Variants in L3MBTL3 observed in about 807,000 individuals in gnomAD.
L3MBTL3 encodes L3MBTL histone methyl-lysine binding protein 3.
A neutral mutation model predicts 102.3 loss-of-function variants in L3MBTL3; 27 were observed. The ratio of observed to expected loss-of-function variants is 0.26; its 90% CI spans 0.19 to 0.36. The LOEUF (loss-of-function observed/expected upper bound fraction) is 0.36, where lower values mean the gene tolerates loss of function less well. Ranked by LOEUF, L3MBTL3 falls within the 10% of genes least tolerant of loss-of-function variation. The pLI, the probability that L3MBTL3 is intolerant of heterozygous loss-of-function variation, is 1.00. For synonymous variants in L3MBTL3, 340 were observed against 320.9 expected (o/e 1.06, Z -0.64); for missense variants, 798 against 955.3 (o/e 0.84, Z 2.17).
chr6:130,033,840 A>G (rs182437483), intron 2 of L3MBTL3, among the ~76,000 whole-genome samples: 340 of 152,384 alleles, frequency 2.2e-3, no homozygotes, highest in Non-Finnish European at 4.2e-3. Context: ...ACTGGTCTTG[A>G]TGAATGTTAA....
intron 3 of L3MBTL3, among the ~76,000 whole-genome samples, chr6:130,043,088 C>CT (rs1427916897): frequency 5.3e-5 from 8 of 152,168 alleles, no homozygotes; most frequent in Non-Finnish European, 1.0e-4. Flanking sequence ...AGTTTTGACT[C>CT]TTACCGTGAC....
intron 13 of L3MBTL3, among the ~76,000 whole-genome samples, chr6:130,072,283 T>G (rs556698906): frequency 1.0e-3 from 155 of 152,268 alleles, no homozygotes; most frequent in Admixed American, 1.8e-3. Flanking sequence ...GTATTATCAG[T>G]AATCTAGAAA....
chr6:130,109,819 C>G (rs551882393), intron 19 of L3MBTL3, among the ~76,000 whole-genome samples: 79 of 152,130 alleles, frequency 5.2e-4, no homozygotes, highest in African/African-American at 1.7e-3. Context: ...ATGTTTTCTT[C>G]TAGGGTTTTG....
intron 19 of L3MBTL3, among the ~76,000 whole-genome samples, chr6:130,116,749 T>C (rs1785711633): frequency 6.6e-6 from 1 of 151,572 alleles, no homozygotes; most frequent in Non-Finnish European, 1.5e-5. Context: ...GAGATCTATC[T>C]CTTAAAAAAA....
At chr6:130,046,722 A>G (rs1780745005) in intron 3 of L3MBTL3, among the ~76,000 whole-genome samples, 1 of 152,210 alleles carries the variant, frequency 6.6e-6, no homozygotes, top group Non-Finnish European at 1.5e-5. Context: ...AGTTTTTTAC[A>G]TATTTTAGCT....
At chr6:130,026,826 T>G (rs1315768439) in intron 2 of L3MBTL3, among the ~76,000 whole-genome samples, 1 of 152,036 alleles carries the variant, frequency 6.6e-6, no homozygotes. Flanking sequence ...CATCAATCAA[T>G]GAAAGAATGG....
Position 130,035,980 on chromosome 6 carries a change from T to TTGTG in L3MBTL3, c.-15-6672_-15-6669dup, listed in dbSNP as rs71709041. 5.1e-4 allele frequency among the ~76,000 whole-genome samples: 76 copies of TTGTG among 149,320 alleles called. No homozygotes were observed. The East Asian group carries it at 7.1e-3, about 14-fold the overall frequency. ...ATTGTGACTCTCTTACCTACCTGTT[T>TTGTG]TGTGTGTGTGTGTGTGTGTGTGTGT... On this transcript the variant is annotated intron_variant, in intron 2 of 22. Coordinates refer to ENST00000361794, the MANE Select transcript of L3MBTL3 (RefSeq NM_032438.4).
intron 2 of L3MBTL3, among the ~76,000 whole-genome samples, chr6:130,023,924 A>G (rs1779171280): frequency 6.6e-6 from 1 of 152,164 alleles, no homozygotes. Flanking sequence ...TCTTTGAGGG[A>G]AGAGACCATG....
At chr6:130,059,995 T>G in intron 9 of L3MBTL3, 41 bp from the exon 10 acceptor site, 1 of 1,097,526 alleles carries the variant, frequency 9.1e-7, no homozygotes, top group Non-Finnish European at 1.4e-6. Context: ...AAATAGGGCT[T>G]TGGGATAAGG....
rs535977933 is a variant in L3MBTL3, at chr6:130,069,055, C to T, written c.1092+634C>T. Among the ~76,000 whole-genome samples, 36 of 152,252 alleles carry T rather than the reference C, an allele frequency of 2.4e-4. 1 individual carries two copies. The highest frequency in any genetic ancestry group is 7.5e-4 in the African/African-American group (31 of 41,552). ...AGATGGTCAGAGCTGAGTTGGAGGA[C>T]GTGCATGGCTTGTATCTGCAGACAA... On this transcript the variant is annotated intron_variant, in intron 12 of 22. Transcript: ENST00000361794.
chr6:130,094,605 A>C (rs577443387), intron 18 of L3MBTL3, among the ~76,000 whole-genome samples: 1 of 152,296 alleles, frequency 6.6e-6, no homozygotes, highest in East Asian at 1.9e-4. Context: ...TTTTCTTGGC[A>C]ACCTGACTAG....
intron 18 of L3MBTL3, among the ~76,000 whole-genome samples, chr6:130,098,016 A>T (rs1224945336): frequency 6.6e-6 from 1 of 152,084 alleles, no homozygotes; most frequent in Non-Finnish European, 1.5e-5. Flanking sequence ...GCAGTGAGCC[A>T]AGATTGCGCC....
At chr6:130,105,207 G>A (rs1391777615) in intron 19 of L3MBTL3, among the ~76,000 whole-genome samples, 1 of 152,034 alleles carries the variant, frequency 6.6e-6, no homozygotes, top group African/African-American at 2.4e-5. Context: ...TAATACTTAG[G>A]TTTTGGCTTT....
rs1447350110 is a variant in L3MBTL3 at position 130,140,992 on chromosome 6, G to C, written c.*1239G>C. 1 of 152,616 alleles carries C rather than the reference G, an allele frequency of 6.6e-6. No homozygotes were observed. The highest frequency in any genetic ancestry group is 1.5e-5 in the Non-Finnish European group (1 of 68,032). The allele number at this position is 152,616 out of a possible 1,614,324, so 9.5% of individuals were successfully genotyped here. Reference sequence around the variant, plus strand: ...AGATGCACTTTAAATGAAAACCCTTGATTATAAATTGATAGCTGGTAGTGT... The same window carrying C: ...AGATGCACTTTAAATGAAAACCCTTCATTATAAATTGATAGCTGGTAGTGT... On this transcript the variant is annotated 3_prime_UTR_variant, in exon 23 of 23. Coordinates refer to ENST00000361794, the MANE Select transcript of L3MBTL3 (RefSeq NM_032438.4).
At chr6:130,099,045 G>T (rs1423290834) in intron 18 of L3MBTL3, among the ~76,000 whole-genome samples, 2 of 151,756 alleles carry the variant, frequency 1.3e-5, no homozygotes, top group Non-Finnish European at 2.9e-5. Context: ...TTTTAAGGTG[G>T]CATTGGAGAA....
intron 22 of L3MBTL3, among the ~76,000 whole-genome samples, chr6:130,134,157 A>G (rs1167925734): frequency 6.6e-6 from 1 of 152,210 alleles, no homozygotes; most frequent in East Asian, 1.9e-4. Flanking sequence ...CTCCTTATAA[A>G]AAGAAAACCC....
At chr6:130,092,386 T>A (rs75892463) in intron 16 of L3MBTL3, among the ~76,000 whole-genome samples, 2,607 of 152,162 alleles carry the variant, frequency 0.017, 68 homozygotes, top group African/African-American at 0.059. Context: ...CCCTGAATTT[T>A]TAACTCCTTC....
chr6:130,093,718 CT>C (rs1036129065), intron 17 of L3MBTL3, among the ~76,000 whole-genome samples: 15 of 152,118 alleles, frequency 9.9e-5, no homozygotes, highest in African/African-American at 3.1e-4. Context: ...TGTGTTGTGC[CT>C]TTTATGTGGC....
rs1040191766 is a variant in L3MBTL3, at chr6:130,108,237, T to G, written c.1886+3662T>G. Reference sequence around the variant, plus strand: ...GTTAGGTGGTTTTTTTTTTGTTTTTTTTTTTTTTTTTTTTTTAGATGGAGT... The same window carrying G: ...GTTAGGTGGTTTTTTTTTTGTTTTTGTTTTTTTTTTTTTTTTAGATGGAGT... On this transcript the variant is annotated intron_variant, in intron 19 of 22. Coordinates refer to ENST00000361794, the MANE Select transcript of L3MBTL3 (RefSeq NM_032438.4). Among the ~76,000 whole-genome samples, 68 of 138,656 alleles carry G rather than the reference T, an allele frequency of 4.9e-4. 2 individuals carry two copies. The highest frequency in any genetic ancestry group is 1.3e-3 in the Admixed American group (19 of 14,088). 91.0% of individuals were successfully genotyped at this position (138,656 alleles called of 152,430 possible). A position where few individuals can be genotyped will look rare whatever the true frequency, so the allele number is the denominator to read the frequency against.
Sources: gnomAD v4.1 joint callset for allele counts (sites outside exome capture counted in the v4.1 genomes callset) on GRCh38, gnomAD v4.1.1 for gene constraint, MANE v1.5 for transcripts, NCBI Gene and HGNC (gene_info 2026-07-23, HGNC 2026-07-21) for gene names.